The following CTBS variants were observed in gnomAD, a reference collection of about 807,000 sequenced individuals.
CTBS encodes chitobiase.
Under a neutral mutation model 44.3 loss-of-function variants are expected in CTBS, and 35 were observed. That is an observed-to-expected ratio of 0.79 (90% confidence interval 0.60 to 1.05). CTBS has a LOEUF of 1.05. Among genes scored for constraint, CTBS ranks in the 50% least tolerant of loss-of-function variants. The pLI is 0.00. For synonymous variants in CTBS, 143 were observed against 168.0 expected (o/e 0.85, Z 1.15); for missense variants, 458 against 475.3 (o/e 0.96, Z 0.34).
intron 3 of CTBS, among the ~76,000 whole-genome samples, chr1:84,568,060 C>CACA (rs1409942737): frequency 1.3e-5 from 2 of 152,172 alleles, no homozygotes; most frequent in Non-Finnish European, 2.9e-5. Context: ...TCTGGATCTT[C>CACA]CACAATCTGG....
At chr1:84,563,448 AT>A (rs1425574312) in intron 5 of CTBS, 30 bp from the exon 6 acceptor site, 2 of 1,414,126 alleles carry the variant, frequency 1.4e-6, no homozygotes, top group Non-Finnish European at 1.9e-6. Context: ...CATGTTATAT[AT>A]TATCAATTAT....
intron 1 of CTBS, chr1:84,573,896 A>G (rs1647387803): frequency 3.5e-6 from 4 of 1,149,072 alleles, no homozygotes; most frequent in Admixed American, 4.7e-5. Flanking sequence ...TTCCTTGGAA[A>G]CATAAATGGA....
chr1:84,561,652 G>C (rs933581641), intron 6 of CTBS, among the ~76,000 whole-genome samples: 1 of 152,116 alleles, frequency 6.6e-6, no homozygotes, highest in East Asian at 1.9e-4. Flanking sequence ...AAACTTCACT[G>C]TTGTCTTATT....
Position 84,563,303 on chromosome 1 carries a change from C to T in CTBS, c.911G>A (p.Gly304Glu), listed in dbSNP as rs1570471428. The T allele has an allele frequency of 6.3e-7, 1 of 1,590,386 alleles. No homozygotes were observed. The highest frequency in any genetic ancestry group is 1.7e-4 in the Middle Eastern group (1 of 5,812). The part of the protein sequence containing the change: ...IMKQINSSIS[G>E]NLWDKDQRAP... ...CCGCTGATCTTTATCCCATAGGTTT[C>T]CAGAAATAGAACTATTTATTTGCTT... The change falls in exon 6 of 7, where the codon GGA becomes GAA. Residue 304 changes from glycine to glutamate, a missense_variant. Physicochemically the swap from Gly to Glu is moderately conservative, Grantham distance 98 (BLOSUM62 -2). Coordinates refer to ENST00000370630, the MANE Select transcript of CTBS (RefSeq NM_004388.3).
Position 84,554,522 on chromosome 1 carries a change from G to C in CTBS, c.*477C>G, listed in dbSNP as rs1360236213. 1.3e-5 allele frequency: 2 copies of C among 155,432 alleles called. No individual in the cohort carries two copies. The allele number at this position is 155,432 out of a possible 1,614,324, so 9.6% of individuals were successfully genotyped here. A position where few individuals can be genotyped will look rare whatever the true frequency, so the allele number is the denominator to read the frequency against. On this transcript the variant is annotated 3_prime_UTR_variant, in exon 7 of 7. Coordinates refer to ENST00000370630, the MANE Select transcript of CTBS (RefSeq NM_004388.3). ...TTTCATCAGTTTGATGAACCTAAAG[G>C]GGAGACACTACATTGTAGGTTTTAA... is the stretch of plus-strand genomic sequence containing the variant.
Position 84,550,690 on chromosome 1 carries a change from C to T in CTBS, c.*4309G>A. 1.7e-6 allele frequency: 2 copies of T among 1,193,226 alleles called. No individual in the cohort carries two copies. Among genetic ancestry groups the T allele is most frequent in the Non-Finnish European group, 2.1e-6 (2 of 955,176 alleles). The allele number at this position is 1,193,226 out of a possible 1,614,324, so 73.9% of individuals were successfully genotyped here. Reference sequence around the variant, plus strand: ...AAGAGCATAGGTGAAAAAAAAAATGCAGGAAGAAAAACTAAACCTGTGAAA... The same window carrying T: ...AAGAGCATAGGTGAAAAAAAAAATGTAGGAAGAAAAACTAAACCTGTGAAA... On this transcript the variant is annotated 3_prime_UTR_variant, in exon 7 of 7. Coordinates refer to ENST00000370630, the MANE Select transcript of CTBS (RefSeq NM_004388.3).
In CTBS at chr1:84,574,341, CAGCAGCGCT is replaced by C. The variant is rs757082869; in HGVS notation, c.66_74del (p.Leu31_Leu33del). 114,129 of 1,533,934 alleles carry C rather than the reference CAGCAGCGCT, an allele frequency of 0.074. 4,608 individuals carry two copies. The highest frequency in any genetic ancestry group is 0.081 in the Non-Finnish European group (92,801 of 1,144,630). On this transcript the variant is annotated inframe_deletion, in exon 1 of 7. Coordinates refer to ENST00000370630, the MANE Select transcript of CTBS (RefSeq NM_004388.3). The stretch of plus-strand genomic sequence containing the variant: ...GCAGCGCCAGCAGCGCCAGCAGCGC[CAGCAGCGCT>C]AGACCCGGGACGCCGCTCGGCGGGC...
chr1:84,563,589 T>A (rs1286033355), intron 5 of CTBS, 146 bp downstream of exon 5: 2 of 643,084 alleles, frequency 3.1e-6, no homozygotes, highest in Non-Finnish European at 2.4e-6. Flanking sequence ...ATGATAATCA[T>A]AAGCTTTCAT....
intron 3 of CTBS, among the ~76,000 whole-genome samples, chr1:84,568,746 C>T (rs1647206661): frequency 6.6e-6 from 1 of 152,106 alleles, no homozygotes; most frequent in Non-Finnish European, 1.5e-5. Flanking sequence ...GTGCTGTTCT[C>T]GTGATAGAGT....
chr1:84,550,101 A>G lies in CTBS; in HGVS notation c.*4898T>C, dbSNP rs931437464. On this transcript the variant is annotated 3_prime_UTR_variant, in exon 7 of 7. Coordinates refer to ENST00000370630, the MANE Select transcript of CTBS (RefSeq NM_004388.3). ...ATAGTATCATATTATTAAGTATTTT[A>G]AAATAATTCTAATCTTATTCAGCTG... is the stretch of plus-strand genomic sequence containing the variant. The G allele has an allele frequency of 1.3e-5, 2 of 157,366 alleles. No individual in the cohort carries two copies. Among genetic ancestry groups the G allele is most frequent in the Non-Finnish European group, 2.8e-5 (2 of 71,614 alleles). 9.7% of individuals were successfully genotyped at this position (157,366 alleles called of 1,614,324 possible). A position where few individuals can be genotyped will look rare whatever the true frequency, so the allele number is the denominator to read the frequency against.
chr1:84,550,539 C>T lies in CTBS; in HGVS notation c.*4460G>A. On this transcript the variant is annotated 3_prime_UTR_variant, in exon 7 of 7. Coordinates refer to ENST00000370630, the MANE Select transcript of CTBS (RefSeq NM_004388.3). ...TCATAGTAGAAGTTAAGGTAATTTA[C>T]ATTTTTCCTAATCAGATTATTATAA... The T allele has an allele frequency of 1.3e-6, 2 of 1,507,758 alleles. No individual in the cohort carries two copies. Among genetic ancestry groups the T allele is most frequent in the East Asian group, 2.5e-5 (1 of 40,264 alleles). The allele number at this position is 1,507,758 out of a possible 1,614,324, so 93.4% of individuals were successfully genotyped here.
chr1:84,572,973 A>T (rs1189998542), intron 1 of CTBS, among the ~76,000 whole-genome samples: 9 of 152,270 alleles, frequency 5.9e-5, no homozygotes, highest in Non-Finnish European at 4.4e-5. Context: ...AGATTGAGAA[A>T]ATTAAGAAAT....
rs1050094915 is a variant in CTBS at position 84,560,486 on chromosome 1, A to G, written c.957+2771T>C. 2.2e-4 allele frequency among the ~76,000 whole-genome samples: 34 copies of G among 152,312 alleles called. 1 individual carries two copies. The highest frequency in any genetic ancestry group is 6.8e-3 in the Middle Eastern group (2 of 294). On this transcript the variant is annotated intron_variant, in intron 6 of 6. Transcript: ENST00000370630. ...TCGTTGAACCTAAGCACAAAAATGG[A>G]CAGTTTTTCCTGTATCTTTGGGTTT...
chr1:84,573,828 AT>A lies in CTBS; in HGVS notation c.177+410del, dbSNP rs1647383666. 4 of 985,728 alleles carry A rather than the reference AT, an allele frequency of 4.1e-6. No homozygotes were observed. The Admixed American group carries it at 2.3e-4, about 57-fold the overall frequency. The allele number at this position is 985,728 out of a possible 1,614,324, so 61.1% of individuals were successfully genotyped here. On this transcript the variant is annotated intron_variant, in intron 1 of 6. Transcript: ENST00000370630. The stretch of plus-strand genomic sequence containing the variant: ...GTATAGAAAACTAAAGGTAAGCAAA[AT>A]ACTCTGCATTCTAATGTACTGTTGG...
At chr1:84,571,888 C>G (rs1285106394) in intron 1 of CTBS, among the ~76,000 whole-genome samples, 1 of 152,172 alleles carries the variant, frequency 6.6e-6, no homozygotes, top group Non-Finnish European at 1.5e-5. Flanking sequence ...ATTGCATTCT[C>G]AACTGAGGGA....
chr1:84,566,591 A>G (rs954286203), intron 3 of CTBS, among the ~76,000 whole-genome samples: 3 of 152,174 alleles, frequency 2.0e-5, no homozygotes, highest in Non-Finnish European at 4.4e-5. Flanking sequence ...AATCATTTAA[A>G]TGATCTTATT....
At chr1:84,570,855 G>T (rs1891126) in intron 1 of CTBS, 135 bp from the exon 2 acceptor site, 23,488 of 741,368 alleles carry the variant, frequency 0.032, 500 homozygotes, top group Admixed American at 0.086. Context: ...AGACATAGGG[G>T]TCCCAAGATA....
chr1:84,565,750 A>T, intron 4 of CTBS, 91 bp downstream of exon 4: 1 of 694,038 alleles, frequency 1.4e-6, no homozygotes, highest in Non-Finnish European at 2.0e-6. Context: ...AAACGTATAC[A>T]TATAACTTAG....
intron 1 of CTBS, among the ~76,000 whole-genome samples, chr1:84,572,820 A>G (rs1647353716): frequency 6.6e-6 from 1 of 152,018 alleles, no homozygotes; most frequent in Non-Finnish European, 1.5e-5. Flanking sequence ...TTCGGATTAC[A>G]TGTGCCCGCC....
Sources: allele counts gnomAD v4.1 joint callset (sites outside exome capture counted in the v4.1 genomes callset), GRCh38; gene constraint gnomAD v4.1.1; transcripts MANE v1.5; gene names NCBI Gene and HGNC (gene_info 2026-07-23, HGNC 2026-07-21).